Variants in WAPL observed in about 807,000 individuals in gnomAD.
The protein encoded by WAPL is WAPL cohesin release factor, also known as wings apart-like protein homolog.
A neutral mutation model predicts 121.0 loss-of-function variants in WAPL; 5 were observed. The observed-to-expected ratio is 0.04, with a 90% confidence interval of 0.02 to 0.09. WAPL has a LOEUF of 0.09. WAPL is among the 10% of genes least tolerant of loss of function. WAPL has a pLI of 1.00. For missense variants in WAPL, 999 were observed against 1,410.8 expected (o/e 0.71, Z 4.68); for synonymous variants, 480 against 481.5 (o/e 1.00, Z 0.04).
intron 1 of WAPL, among the ~76,000 whole-genome samples, chr10:86,520,542 G>A (rs1842655213): frequency 6.6e-6 from 1 of 151,996 alleles, no homozygotes; most frequent in African/African-American, 2.4e-5. Context: ...TCTTTGCAAT[G>A]GCATTATCTA....
chr10:86,462,591 G>A (rs1291511357), intron 9 of WAPL, among the ~76,000 whole-genome samples: 1 of 151,802 alleles, frequency 6.6e-6, no homozygotes, highest in Non-Finnish European at 1.5e-5. Context: ...GTGGTGGTGG[G>A]TGCCTGTAAT....
Position 86,471,062 on chromosome 10 carries a change from C to T in WAPL, c.2072G>A (p.Arg691Gln). ...LATKCAMPSFRMHLRAHGMVA... is the reference protein window; with the variant it reads ...LATKCAMPSFQMHLRAHGMVA... ...CATCCCATGTGCTCTCAGGTGCATT[C>T]GAAAACTGGGCATGGCACATTTAGT... Residue 691 changes from arginine to glutamine, a missense_variant, in exon 8 of 19, where the codon CGA (arginine) becomes CAA (glutamine). Transcript: ENST00000298767. The T allele has an allele frequency of 6.2e-7, 1 of 1,613,836 alleles. No individual in the cohort carries two copies. The highest frequency in any genetic ancestry group is 8.5e-7 in the Non-Finnish European group (1 of 1,179,898).
intron 17 of WAPL, among the ~76,000 whole-genome samples, chr10:86,439,618 G>A (rs1269668551): frequency 6.6e-6 from 1 of 152,196 alleles, no homozygotes; most frequent in Non-Finnish European, 1.5e-5. Flanking sequence ...TTTTAAAAGT[G>A]TCCAGTAGGT....
intron 4 of WAPL, among the ~76,000 whole-genome samples, chr10:86,483,280 C>A (rs907750850): frequency 1.3e-5 from 2 of 151,964 alleles, no homozygotes; most frequent in Non-Finnish European, 2.9e-5. Flanking sequence ...ATTGGCTGGG[C>A]GTGGAGGTGC....
At chr10:86,461,604 T>G (rs912488423) in intron 9 of WAPL, among the ~76,000 whole-genome samples, 1 of 152,216 alleles carries the variant, frequency 6.6e-6, no homozygotes, top group Non-Finnish European at 1.5e-5. Flanking sequence ...TTTTTAACTG[T>G]AAATCAATAT....
chr10:86,453,853 G>A (rs1219651502), intron 12 of WAPL, 22 bp from the exon 13 acceptor site: 1 of 1,500,216 alleles, frequency 6.7e-7, no homozygotes, highest in African/African-American at 1.4e-5. Context: ...ATAAAATATA[G>A]ACTATTATAG....
At chr10:86,505,503 T>C (rs1213708005) in intron 2 of WAPL, among the ~76,000 whole-genome samples, 3 of 151,776 alleles carry the variant, frequency 2.0e-5, no homozygotes, top group South Asian at 2.1e-4. Context: ...ACCAGGCTGG[T>C]CTCAAACTCC....
intron 1 of WAPL, among the ~76,000 whole-genome samples, chr10:86,521,143 TG>T (rs1432616604): frequency 2.0e-5 from 3 of 152,090 alleles, no homozygotes; most frequent in Non-Finnish European, 2.9e-5. Flanking sequence ...CACACTTGAC[TG>T]GGTTTGGGGA....
intron 4 of WAPL, among the ~76,000 whole-genome samples, chr10:86,478,255 TCA>T (rs1841704972): frequency 1.3e-5 from 2 of 151,734 alleles, no homozygotes; most frequent in Non-Finnish European, 2.9e-5. Context: ...ACGGTGAAAC[TCA>T]GTCTCTACAA....
chr10:86,514,955 T>A (rs1363012702), intron 2 of WAPL, among the ~76,000 whole-genome samples: 1 of 152,118 alleles, frequency 6.6e-6, no homozygotes, highest in Non-Finnish European at 1.5e-5. Context: ...CTGTAGATTA[T>A]CTGAAAACAT....
rs1371229246 is a variant in WAPL at position 86,499,824 on chromosome 10, T to C, written c.1419A>G (p.Arg473=). Residue 473 remains arginine (R), a synonymous_variant, in exon 3 of 19, where the codon AGA becomes AGG. Coordinates refer to ENST00000298767, the MANE Select transcript of WAPL (RefSeq NM_015045.5). The stretch of plus-strand genomic sequence containing the variant: ...TTTTAGTTCTTTTTTTGCTTGTCTT[T>C]CTTTCTACTTGACAGTCATCATCTT... ...DDEDDDCQVE[R]KTSKKRTKTA... is the part of the protein sequence containing the mutation. 2 of 1,613,728 alleles carry C rather than the reference T, an allele frequency of 1.2e-6. No homozygotes were observed. The highest frequency in any genetic ancestry group is 2.2e-5 in the South Asian group (2 of 90,942).
Position 86,453,728 on chromosome 10 carries a change from G to A in WAPL, c.2761C>T (p.His921Tyr). 1.2e-6 allele frequency: 2 copies of A among 1,614,102 alleles called. No homozygotes were observed. Among genetic ancestry groups the A allele is most frequent in the Non-Finnish European group, 1.7e-6 (2 of 1,180,006 alleles). Residue 921 changes from histidine to tyrosine, a missense_variant, in exon 13 of 19, where the codon CAT (histidine) becomes TAT (tyrosine). Coordinates refer to ENST00000298767, the MANE Select transcript of WAPL (RefSeq NM_015045.5). ...KPLPHQNVTN[H>Y]VGKAVEDCMR... ...CAGTCCTCCACTGCTTTGCCTACAT[G>A]GTTAGTTACATTCTGGTGAGGCAGA...
At chr10:86,508,693 C>T (rs1216727567) in intron 2 of WAPL, among the ~76,000 whole-genome samples, 1 of 151,852 alleles carries the variant, frequency 6.6e-6, no homozygotes, top group Non-Finnish European at 1.5e-5. Flanking sequence ...GCTGCTCTAG[C>T]TGCTCCTACT....
intron 2 of WAPL, among the ~76,000 whole-genome samples, chr10:86,511,234 C>T (rs1842458721): frequency 6.6e-6 from 1 of 152,058 alleles, no homozygotes; most frequent in Admixed American, 6.6e-5. Flanking sequence ...ACTGCATGAG[C>T]CCAGGAGTTT....
intron 17 of WAPL, among the ~76,000 whole-genome samples, chr10:86,442,431 A>AATTTT: frequency 6.6e-6 from 1 of 152,244 alleles, no homozygotes; most frequent in Non-Finnish European, 1.5e-5. Flanking sequence ...TTTGATTTTT[A>AATTTT]ATTTTATTTC....
intron 4 of WAPL, among the ~76,000 whole-genome samples, chr10:86,478,097 T>G: frequency 7.1e-6 from 1 of 141,428 alleles, no homozygotes. Context: ...AGATACAGCA[T>G]ATAAACCAGA....
rs572468558 is a variant in WAPL, at chr10:86,456,600, C to T, written c.2657+2389G>A. Among the ~76,000 whole-genome samples the T allele has an allele frequency of 3.3e-5, 5 of 152,238 alleles. No individual in the cohort carries two copies. In the South Asian group the frequency reaches 8.3e-4, roughly 25 times the overall value. ...TATCACACAAAATTCTTAAAGAAAC[C>T]GTATCTAATCTACGCCTAGTTGCCC... is the stretch of plus-strand genomic sequence containing the variant. On this transcript the variant is annotated intron_variant, in intron 12 of 18. Coordinates refer to ENST00000298767, the MANE Select transcript of WAPL (RefSeq NM_015045.5).
chr10:86,439,524 G>C (rs1014742180), intron 17 of WAPL, among the ~76,000 whole-genome samples: 5 of 152,192 alleles, frequency 3.3e-5, no homozygotes, highest in Non-Finnish European at 7.3e-5. Context: ...CTGAGGCAAT[G>C]GGAGGGACAG....
At chr10:86,451,020 C>T (rs1258194342) in intron 15 of WAPL, among the ~76,000 whole-genome samples, 1 of 152,030 alleles carries the variant, frequency 6.6e-6, no homozygotes, top group Non-Finnish European at 1.5e-5. Flanking sequence ...TTCTGTGGTC[C>T]ATAAGGTCAA....
Sources: allele counts gnomAD v4.1 joint callset (sites outside exome capture counted in the v4.1 genomes callset), GRCh38; gene constraint gnomAD v4.1.1; transcripts MANE v1.5; gene names NCBI Gene and HGNC (gene_info 2026-07-23, HGNC 2026-07-21).